The following CHST13 variants were observed in gnomAD, a reference collection of about 807,000 sequenced individuals.
CHST13 encodes the protein carbohydrate sulfotransferase 13, also known as C4ST-3.
In CHST13, 1 loss-of-function variant was observed where a neutral mutation model predicts 7.0. The ratio of observed to expected loss-of-function variants is 0.14; its 90% CI spans 0.05 to 0.68. The LOEUF is 0.68. Ranked by LOEUF, CHST13 falls within the 30% of genes least tolerant of loss-of-function variation. The pLI is 0.82. For synonymous variants in CHST13, 257 were observed against 240.9 expected (o/e 1.07, Z -0.62); for missense variants, 572 against 507.9 (o/e 1.13, Z -1.21).
intron 1 of CHST13, among the ~76,000 whole-genome samples, chr3:126,532,055 T>C (rs1602367): frequency 1 from 151,995 of 152,320 alleles, 75,838 homozygotes; most frequent in Middle Eastern, 1. Flanking sequence ...TGCTTATTGC[T>C]GTAGGTATAT....
intron 2 of CHST13, among the ~76,000 whole-genome samples, chr3:126,539,548 GCACACACACTGCACA>G: frequency 2.5e-5 from 1 of 40,164 alleles, no homozygotes; most frequent in Non-Finnish European, 5.0e-5. Flanking sequence ...CACACACACC[GCACACACACTGCACA>G]CACACACACA....
chr3:126,530,211 G>A (rs529346785), intron 1 of CHST13, among the ~76,000 whole-genome samples: 1 of 152,362 alleles, frequency 6.6e-6, no homozygotes, highest in Non-Finnish European at 1.5e-5. Context: ...GGGGCTGGAT[G>A]GAGGCGGCCC....
chr3:126,539,860 C>CT (rs1560142686), intron 2 of CHST13, among the ~76,000 whole-genome samples: 7 of 402 alleles, frequency 0.017, no homozygotes, highest in Admixed American at 0.077. Flanking sequence ...CACACACACA[C>CT]CCCACACCAC....
At chr3:126,538,759 C>T (rs951122338) in intron 2 of CHST13, among the ~76,000 whole-genome samples, 1 of 152,164 alleles carries the variant, frequency 6.6e-6, no homozygotes, top group Non-Finnish European at 1.5e-5. Flanking sequence ...GTCCCCATAC[C>T]CCCATGGCAT....
intron 1 of CHST13, among the ~76,000 whole-genome samples, chr3:126,531,856 A>G (rs532774046): frequency 6.6e-6 from 1 of 152,332 alleles, no homozygotes; most frequent in South Asian, 2.1e-4. Context: ...TGGTAATTCT[A>G]AGCTTAGCTT....
chr3:126,531,781 A>C (rs1936665620), intron 1 of CHST13, among the ~76,000 whole-genome samples: 1 of 152,234 alleles, frequency 6.6e-6, no homozygotes, highest in South Asian at 2.1e-4. Context: ...ATTTGTGAAC[A>C]AGTTTTTGTG....
intron 1 of CHST13, among the ~76,000 whole-genome samples, chr3:126,525,002 C>A (rs1936509287): frequency 6.6e-6 from 1 of 152,184 alleles, no homozygotes; most frequent in Non-Finnish European, 1.5e-5. Flanking sequence ...GTGCCCTGGG[C>A]TCCACCGGTG....
At chr3:126,529,760 C>T (rs890245998) in intron 1 of CHST13, among the ~76,000 whole-genome samples, 75 of 152,298 alleles carry the variant, frequency 4.9e-4, no homozygotes, top group African/African-American at 1.8e-3. Context: ...CCCTCCTCCC[C>T]TCCCATCATC....
At chr3:126,536,833 G>A (rs937884695) in intron 2 of CHST13, among the ~76,000 whole-genome samples, 12 of 149,094 alleles carry the variant, frequency 8.0e-5, no homozygotes, top group Non-Finnish European at 1.6e-4. Context: ...ACATACAACT[G>A]TACCCCACCA....
rs369247985 is a variant in CHST13, at chr3:126,542,161, C to T, written c.609C>T (p.Arg203=). 1.3e-6 allele frequency: 2 copies of T among 1,515,672 alleles called. No homozygotes were observed. Among genetic ancestry groups the T allele is most frequent in the African/African-American group, 2.9e-5 (2 of 68,878 alleles). 93.9% of individuals were successfully genotyped at this position (1,515,672 alleles called of 1,614,324 possible). A position where few individuals can be genotyped will look rare whatever the true frequency, so the allele number is the denominator to read the frequency against. ...CCTTCCAGAGGCGCTACGGTGCACG[C>T]ATCGTTCAGCGCCTGCGGCCGCGCG... The part of the protein sequence containing the change: ...SAAFQRRYGA[R]IVQRLRPRAL... The change falls in exon 3 of 3, where the codon CGC becomes CGT. Residue 203 remains arginine (R), a synonymous_variant. Transcript: ENST00000319340.
At chr3:126,529,024 CTG>C (rs1440871942) in intron 1 of CHST13, 2 of 350,760 alleles carry the variant, frequency 5.7e-6, no homozygotes. Flanking sequence ...TCTTGCAACA[CTG>C]TAACCTGCTG....
In CHST13 at chr3:126,536,264, C is replaced by T. The variant is rs775837447; in HGVS notation, c.98-7C>T. ...TGGTGGCGACATCTCTCTCCTTATG[C>T]CCACAGCATTTGGAAACAGAGCCCT... On this transcript the variant is annotated splice_region_variant and splice_polypyrimidine_tract_variant and intron_variant, in intron 1 of 2. Coordinates refer to ENST00000319340, the MANE Select transcript of CHST13 (RefSeq NM_152889.3). 6.2e-7 allele frequency: 1 copy of T among 1,613,074 alleles called. No homozygotes were observed. The highest frequency in any genetic ancestry group is 2.2e-5 in the East Asian group (1 of 44,866).
At chr3:126,525,357 T>TG (rs1936517803) in intron 1 of CHST13, among the ~76,000 whole-genome samples, 1 of 151,984 alleles carries the variant, frequency 6.6e-6, no homozygotes, top group Non-Finnish European at 1.5e-5. Flanking sequence ...TGTTGGGCAG[T>TG]GGGGGTGGGA....
At position 126,542,116 on chromosome 3, in the gene CHST13, CGCGCGCCCCTACA is replaced by C; in HGVS notation, c.569_581del (p.Arg190ProfsTer93). 6.3e-7 allele frequency: 1 copy of C among 1,578,214 alleles called. No individual in the cohort carries two copies. On this transcript the variant is annotated frameshift_variant, in exon 3 of 3. Transcript: ENST00000319340. LOFTEE classifies it low-confidence loss of function (END_TRUNC). The stretch of plus-strand genomic sequence containing the variant: ...TGGCATCGGCTTACCGCAACAAGCT[CGCGCGCCCCTACA>C]GCGCCGCCTTCCAGAGGCGCTACGG...
chr3:126,529,268 G>T, intron 1 of CHST13: 1 of 1,241,178 alleles, frequency 8.1e-7, no homozygotes, highest in Non-Finnish European at 1.1e-6. Context: ...CATGACGTGT[G>T]CGGGTGTCCT....
chr3:126,542,394 CG>C lies in CHST13; in HGVS notation c.845del (p.Gly282AlafsTer5). ...GACGCGGCCTTCGTGCTGGGCCTGG[CG>C]GGCGCATCCGACCTGAGCTTCCCTG... Reference protein sequence around the residue: ...AEDAAFVLGLAGASDLSFPGP... With the variant: ...AEDAAFVLGLXGASDLSFPGP... On this transcript the variant is annotated frameshift_variant, in exon 3 of 3. Coordinates refer to ENST00000319340, the MANE Select transcript of CHST13 (RefSeq NM_152889.3). LOFTEE classifies it low-confidence loss of function (END_TRUNC). 6.4e-7 allele frequency: 1 copy of C among 1,553,536 alleles called. No homozygotes were observed.
intron 2 of CHST13, among the ~76,000 whole-genome samples, chr3:126,536,916 CA>C (rs1936807274): frequency 6.6e-6 from 1 of 151,500 alleles, no homozygotes; most frequent in Admixed American, 6.6e-5. Flanking sequence ...CACACACACA[CA>C]CACACACCCC....
At chr3:126,531,222 C>A (rs1936653153) in intron 1 of CHST13, among the ~76,000 whole-genome samples, 1 of 152,238 alleles carries the variant, frequency 6.6e-6, no homozygotes. Flanking sequence ...CCTACTGGAC[C>A]AGAAACTCTA....
chr3:126,524,315 C>G lies in CHST13; in HGVS notation c.-18C>G. 1 of 1,232,548 alleles carries G rather than the reference C, an allele frequency of 8.1e-7. No homozygotes were observed. Among genetic ancestry groups the G allele is most frequent in the South Asian group, 3.4e-5 (1 of 29,128 alleles). The allele number at this position is 1,232,548 out of a possible 1,614,324, so 76.4% of individuals were successfully genotyped here. On this transcript the variant is annotated 5_prime_UTR_variant, in exon 1 of 3. Coordinates refer to ENST00000319340, the MANE Select transcript of CHST13 (RefSeq NM_152889.3). ...GCCGTATCCAGCGGACTGTCCTCCGCCGCGCGCCCGGCACAGCATGGGGAG... is the reference window on the plus strand; with the variant it reads ...GCCGTATCCAGCGGACTGTCCTCCGGCGCGCGCCCGGCACAGCATGGGGAG...
Sources: allele counts gnomAD v4.1 joint callset (sites outside exome capture counted in the v4.1 genomes callset), GRCh38; gene constraint gnomAD v4.1.1; transcripts MANE v1.5; gene names NCBI Gene and HGNC (gene_info 2026-07-23, HGNC 2026-07-21).